SCFD2: variants seen among roughly 807,000 people sequenced by gnomAD.
SCFD2 encodes sec1 family domain containing 2, also known as sec1 family domain-containing protein 2.
Under a neutral mutation model 58.9 loss-of-function variants are expected in SCFD2, and 54 were observed. The observed-to-expected ratio is 0.92, with a 90% CI of 0.74 to 1.15. SCFD2 has a LOEUF of 1.15. SCFD2 is among the 50% of genes most tolerant of loss of function. SCFD2 has a pLI of 0.00. For synonymous variants in SCFD2, 321 were observed against 335.9 expected (o/e 0.96, Z 0.49); for missense variants, 805 against 836.6 (o/e 0.96, Z 0.47).
intron 2 of SCFD2, among the ~76,000 whole-genome samples, chr4:53,317,089 A>G (rs1321727342): frequency 2.6e-5 from 4 of 151,304 alleles, no homozygotes; most frequent in African/African-American, 7.3e-5. Context: ...CCTAGGCAAC[A>G]GAACGAGACT....
At chr4:53,113,347 C>T (rs1350052842) in intron 5 of SCFD2, among the ~76,000 whole-genome samples, 1 of 152,056 alleles carries the variant, frequency 6.6e-6, no homozygotes, top group African/African-American at 2.4e-5. Context: ...TTTTCCTGTC[C>T]TGAAAATGGC....
chr4:53,175,201 A>G (rs766337480), intron 4 of SCFD2, among the ~76,000 whole-genome samples: 1 of 152,206 alleles, frequency 6.6e-6, no homozygotes, highest in Non-Finnish European at 1.5e-5. Context: ...CTAAATTAAA[A>G]AGCAAATATG....
intron 4 of SCFD2, among the ~76,000 whole-genome samples, chr4:53,264,186 G>C (rs1243395940): frequency 6.6e-6 from 1 of 152,144 alleles, no homozygotes; most frequent in Non-Finnish European, 1.5e-5. Context: ...TTTCCAGGCA[G>C]CCAGTGACCA....
At chr4:53,170,459 A>G (rs1276587203) in intron 4 of SCFD2, among the ~76,000 whole-genome samples, 1 of 152,202 alleles carries the variant, frequency 6.6e-6, no homozygotes, top group East Asian at 1.9e-4. Flanking sequence ...TTTGAAAGCA[A>G]GTAGTGCAGC....
intron 5 of SCFD2, among the ~76,000 whole-genome samples, chr4:53,027,736 G>A (rs1453427983): frequency 6.6e-6 from 1 of 152,132 alleles, no homozygotes; most frequent in Non-Finnish European, 1.5e-5. Context: ...GCTGAGGTGG[G>A]AGGATCGCTT....
At chr4:53,098,649 A>C (rs897177621) in intron 5 of SCFD2, among the ~76,000 whole-genome samples, 11 of 152,146 alleles carry the variant, frequency 7.2e-5, no homozygotes, top group Admixed American at 3.3e-4. Flanking sequence ...CTCTTCCCCT[A>C]GATAGCCACT....
chr4:53,113,292 T>C (rs572885869), intron 5 of SCFD2, among the ~76,000 whole-genome samples: 55 of 152,234 alleles, frequency 3.6e-4, no homozygotes, highest in African/African-American at 1.3e-3. Flanking sequence ...ACCATAACCC[T>C]TACTTTGGCC....
intron 4 of SCFD2, among the ~76,000 whole-genome samples, chr4:53,251,930 G>C (rs369830473): frequency 6.6e-6 from 1 of 151,934 alleles, no homozygotes; most frequent in Non-Finnish European, 1.5e-5. Context: ...ATTAGGAAAA[G>C]AGGAAGTCAA....
intron 5 of SCFD2, among the ~76,000 whole-genome samples, chr4:53,137,203 C>A (rs1725968286): frequency 6.6e-6 from 1 of 152,198 alleles, no homozygotes; most frequent in Non-Finnish European, 1.5e-5. Flanking sequence ...GCCAAGGATG[C>A]AAGTCTTCTG....
chr4:53,327,827 G>C (rs965801440), intron 2 of SCFD2, among the ~76,000 whole-genome samples: 2 of 152,180 alleles, frequency 1.3e-5, no homozygotes, highest in African/African-American at 4.8e-5. Context: ...GGAACTCATA[G>C]TTCTCAATAT....
At chr4:53,192,136 G>A (rs895485151) in intron 4 of SCFD2, among the ~76,000 whole-genome samples, 2 of 152,112 alleles carry the variant, frequency 1.3e-5, no homozygotes, top group Non-Finnish European at 2.9e-5. Flanking sequence ...AAGCAACACC[G>A]AAGTTGAACT....
chr4:53,169,012 C>T (rs1431916727), intron 4 of SCFD2, among the ~76,000 whole-genome samples: 1 of 152,226 alleles, frequency 6.6e-6, no homozygotes, highest in East Asian at 1.9e-4. Flanking sequence ...CTGTGCTTGG[C>T]TTATTTCACT....
chr4:53,238,566 G>T (rs1439489856), intron 4 of SCFD2, among the ~76,000 whole-genome samples: 39 of 151,384 alleles, frequency 2.6e-4, no homozygotes, highest in African/African-American at 8.3e-4. Flanking sequence ...TTCCCAGATG[G>T]GGCGGCTGCC....
At chr4:52,907,765 A>G (rs910944014) in intron 6 of SCFD2, among the ~76,000 whole-genome samples, 174 bp from the exon 7 acceptor site, 12 of 151,854 alleles carry the variant, frequency 7.9e-5, no homozygotes, top group Admixed American at 7.2e-4. Flanking sequence ...CAATATAACA[A>G]CATTGGGCTT....
intron 4 of SCFD2, among the ~76,000 whole-genome samples, chr4:53,272,738 A>G (rs1731212537): frequency 6.6e-6 from 1 of 152,112 alleles, no homozygotes; most frequent in Non-Finnish European, 1.5e-5. Flanking sequence ...GCATTAGGAG[A>G]TATACCTAAT....
intron 6 of SCFD2, among the ~76,000 whole-genome samples, chr4:52,915,624 C>T (rs1719584685): frequency 6.6e-6 from 1 of 152,132 alleles, no homozygotes; most frequent in Non-Finnish European, 1.5e-5. Flanking sequence ...GGCTTCAATC[C>T]AGAAGCAGAT....
chr4:52,971,679 C>A (rs1377956696), intron 5 of SCFD2, among the ~76,000 whole-genome samples: 1 of 152,280 alleles, frequency 6.6e-6, no homozygotes, highest in African/African-American at 2.4e-5. Context: ...CACAAAGATA[C>A]TCCTTGAGAA....
intron 5 of SCFD2, among the ~76,000 whole-genome samples, chr4:53,087,468 C>T (rs1048843978): frequency 1.3e-5 from 2 of 151,584 alleles, no homozygotes; most frequent in Admixed American, 1.3e-4. Flanking sequence ...CAAGTAGCTG[C>T]GATTACAGGC....
chr4:53,254,127 A>G (rs1265484119), intron 4 of SCFD2, among the ~76,000 whole-genome samples: 1 of 152,166 alleles, frequency 6.6e-6, no homozygotes, highest in East Asian at 1.9e-4. Context: ...GGATCAGAAA[A>G]AATAACTATT....
Sources: allele counts gnomAD v4.1 joint callset (sites outside exome capture counted in the v4.1 genomes callset), GRCh38; gene constraint gnomAD v4.1.1; transcripts MANE v1.5; gene names NCBI Gene and HGNC (gene_info 2026-07-23, HGNC 2026-07-21).